The following TMEM19 variants were observed in gnomAD, a reference collection of about 807,000 sequenced individuals.
TMEM19 encodes the protein transmembrane protein 19.
A neutral mutation model predicts 33.6 loss-of-function variants in TMEM19; 21 were observed. The observed-to-expected ratio is 0.62, with a 90% CI of 0.44 to 0.90. TMEM19 has a LOEUF of 0.90. Ranked by LOEUF, TMEM19 falls within the 40% of genes least tolerant of loss-of-function variation. The probability of loss-of-function intolerance (pLI) is 0.00; values close to 1 mark genes in which losing one functional copy is unlikely to be tolerated. For missense variants in TMEM19, 402 were observed against 401.8 expected, an observed-to-expected ratio of 1.00 and a Z score of 0.00; for synonymous variants, 149 against 147.5, an observed-to-expected ratio of 1.01 and a Z score of -0.07.
intron 5 of TMEM19, chr12:71,699,376 A>G (rs952690491): frequency 1.1e-5 from 6 of 559,514 alleles, no homozygotes; most frequent in Admixed American, 6.7e-5. Context: ...TGTGTGAGCC[A>G]TTACCTAATC....
rs58258956 is a variant in TMEM19, at chr12:71,703,881, CTTT to C, written c.*2899_*2901del. On this transcript the variant is annotated 3_prime_UTR_variant, in exon 6 of 6. Coordinates refer to ENST00000266673, the MANE Select transcript of TMEM19 (RefSeq NM_018279.4). ...GAGGATAAGAAATTGTGTCTCTGTC[CTTT>C]TTTTTTTTTTTTGTTAAGTCTTACA... 160 of 204,864 alleles carry C rather than the reference CTTT, an allele frequency of 7.8e-4. No homozygotes were observed. The highest frequency in any genetic ancestry group is 4.0e-3 in the Middle Eastern group (2 of 502). 12.7% of individuals were successfully genotyped at this position (204,864 alleles called of 1,614,324 possible). A position where few individuals can be genotyped will look rare whatever the true frequency, so the allele number is the denominator to read the frequency against.
intron 2 of TMEM19, among the ~76,000 whole-genome samples, chr12:71,691,495 G>T (rs11178890): frequency 6.7e-6 from 1 of 149,976 alleles, no homozygotes; most frequent in African/African-American, 2.4e-5. Flanking sequence ...TGGGCTGGTC[G>T]CAGTGGCTCA....
rs1391057049 is a variant in TMEM19 at position 71,704,395 on chromosome 12, A to G, written c.*3400A>G. The G allele has an allele frequency of 6.4e-6, 1 of 155,252 alleles. No homozygotes were observed. The highest frequency in any genetic ancestry group is 1.4e-5 in the Non-Finnish European group (1 of 69,850). The allele number at this position is 155,252 out of a possible 1,614,324, so 9.6% of individuals were successfully genotyped here. A position where few individuals can be genotyped will look rare whatever the true frequency, so the allele number is the denominator to read the frequency against. Reference sequence around the variant, plus strand: ...TTTTAAACTTTGCCGCATACCTGTGATATGAACAGCTGCTGCCTGTTAGGC... The same window carrying G: ...TTTTAAACTTTGCCGCATACCTGTGGTATGAACAGCTGCTGCCTGTTAGGC... On this transcript the variant is annotated 3_prime_UTR_variant, in exon 6 of 6. Coordinates refer to ENST00000266673, the MANE Select transcript of TMEM19 (RefSeq NM_018279.4).
Position 71,702,362 on chromosome 12 carries a change from C to G in TMEM19, c.*1367C>G, listed in dbSNP as rs1881993250. ...TTTGAGACAGAGTCTCACACTGTGG[C>G]CCAGGCTGGACTCCAGCACAGTGGC... On this transcript the variant is annotated 3_prime_UTR_variant, in exon 6 of 6. Transcript: ENST00000266673. 6.6e-6 allele frequency: 1 copy of G among 151,864 alleles called. No individual in the cohort carries two copies. Among genetic ancestry groups the G allele is most frequent in the Non-Finnish European group, 1.5e-5 (1 of 68,002 alleles). The allele number at this position is 151,864 out of a possible 1,614,324, so 9.4% of individuals were successfully genotyped here.
chr12:71,695,536 A>G (rs1319467267), intron 2 of TMEM19, among the ~76,000 whole-genome samples: 2 of 152,222 alleles, frequency 1.3e-5, no homozygotes, highest in Non-Finnish European at 2.9e-5. Flanking sequence ...AAAAAACTTA[A>G]AGGTTGGATA....
rs754435753 is a variant in TMEM19, at chr12:71,689,630, CTGT to C, written c.178_180del (p.Val60del). The stretch of plus-strand genomic sequence containing the variant: ...ATTTCTCCGTGGCGTTGGCTGTTTT[CTGT>C]TGTTGTTCCTGTTCTGATCGTCTCT... On this transcript the variant is annotated inframe_deletion, in exon 2 of 6. Transcript: ENST00000266673. The C allele has an allele frequency of 2.8e-5, 45 of 1,613,950 alleles. No homozygotes were observed. The South Asian group carries it at 4.5e-4, about 16-fold the overall frequency.
chr12:71,691,133 T>A (rs1881778298), intron 2 of TMEM19, among the ~76,000 whole-genome samples: 1 of 152,198 alleles, frequency 6.6e-6, no homozygotes, highest in Non-Finnish European at 1.5e-5. Flanking sequence ...ATTCAGTGCT[T>A]GTAACTATTA....
intron 2 of TMEM19, among the ~76,000 whole-genome samples, chr12:71,695,616 C>T (rs1881857414): frequency 6.6e-6 from 1 of 152,118 alleles, no homozygotes; most frequent in African/African-American, 2.4e-5. Context: ...TTATTAGTAT[C>T]CATGATATTA....
intron 4 of TMEM19, among the ~76,000 whole-genome samples, chr12:71,698,056 T>C (rs886256002): frequency 6.6e-6 from 1 of 152,224 alleles, no homozygotes; most frequent in Non-Finnish European, 1.5e-5. Flanking sequence ...GTTAAGTCTA[T>C]ATAATGCAAA....
intron 2 of TMEM19, among the ~76,000 whole-genome samples, chr12:71,693,794 A>G (rs1881826088): frequency 6.6e-6 from 1 of 152,134 alleles, no homozygotes; most frequent in African/African-American, 2.4e-5. Context: ...GTGATAGTGA[A>G]TAAGTCTCAC....
At position 71,700,910 on chromosome 12, in the gene TMEM19, A is replaced by T. The variant is rs138000835; in HGVS notation, c.926A>T (p.Asp309Val). 678 of 1,613,906 alleles carry T rather than the reference A, an allele frequency of 4.2e-4. No individual in the cohort carries two copies. The highest frequency in any genetic ancestry group is 5.2e-4 in the Non-Finnish European group (612 of 1,179,900). ...ARHIAGKPIL[D>V]NNAVNLFSSV... is the part of the protein sequence containing the mutation. ...CACATAGCAGGGAAACCCATTCTTG[A>T]TAACAACGCAGTGAATCTGTTTTCT... The change falls in exon 6 of 6, where the codon GAT becomes GTT. Residue 309 changes from aspartate (D) to valine (V), a missense_variant. Coordinates refer to ENST00000266673, the MANE Select transcript of TMEM19 (RefSeq NM_018279.4).
rs749159618 is a variant in TMEM19, at chr12:71,700,914, C to T, written c.930C>T (p.Asn310=). The T allele has an allele frequency of 5.5e-5, 88 of 1,613,588 alleles. No individual in the cohort carries two copies. The highest frequency in any genetic ancestry group is 2.2e-5 in the East Asian group (1 of 44,862). ...RHIAGKPILD[N]NAVNLFSSVL... is the part of the protein sequence containing the mutation. Reference sequence around the variant, plus strand: ...TAGCAGGGAAACCCATTCTTGATAACAACGCAGTGAATCTGTTTTCTTCTG... The same window carrying T: ...TAGCAGGGAAACCCATTCTTGATAATAACGCAGTGAATCTGTTTTCTTCTG... The change falls in exon 6 of 6, where the codon AAC becomes AAT. Residue 310 remains asparagine, a synonymous_variant. Coordinates refer to ENST00000266673, the MANE Select transcript of TMEM19 (RefSeq NM_018279.4).
chr12:71,697,576 G>T, intron 4 of TMEM19, 42 bp downstream of exon 4: 1 of 1,534,344 alleles, frequency 6.5e-7, no homozygotes, highest in Non-Finnish European at 8.7e-7. Flanking sequence ...AGACACAGTT[G>T]GTGAGTCTTG....
In TMEM19 at chr12:71,702,010, G is replaced by T. The variant is rs1881986780; in HGVS notation, c.*1015G>T. On this transcript the variant is annotated 3_prime_UTR_variant, in exon 6 of 6. Transcript: ENST00000266673. Reference sequence around the variant, plus strand: ...TGTGTGCCAAAGGAGTTTTGACAGGGTACAGAGTATTTTACTAAAAGTATT... The same window carrying T: ...TGTGTGCCAAAGGAGTTTTGACAGGTTACAGAGTATTTTACTAAAAGTATT... 1 of 152,204 alleles carries T rather than the reference G, an allele frequency of 6.6e-6. No homozygotes were observed. Among genetic ancestry groups the T allele is most frequent in the African/African-American group, 2.4e-5 (1 of 41,454 alleles). The allele number at this position is 152,204 out of a possible 1,614,324, so 9.4% of individuals were successfully genotyped here.
In TMEM19 at chr12:71,686,479, A is replaced by G. The variant is rs1422955116; in HGVS notation, c.-202A>G. On this transcript the variant is annotated 5_prime_UTR_variant, in exon 1 of 6. Transcript: ENST00000266673. ...CTGCTTTTGCGGTGAGGCGTTGACC[A>G]CGCCCATATGAATTGGAGCTCTCCG... is the stretch of plus-strand genomic sequence containing the variant. 2.0e-6 allele frequency: 1 copy of G among 490,166 alleles called. No individual in the cohort carries two copies. The highest frequency in any genetic ancestry group is 3.5e-6 in the Non-Finnish European group (1 of 289,010). The allele number at this position is 490,166 out of a possible 1,614,324, so 30.4% of individuals were successfully genotyped here.
chr12:71,688,880 T>C (rs1463428191), intron 1 of TMEM19, among the ~76,000 whole-genome samples: 1 of 152,206 alleles, frequency 6.6e-6, no homozygotes, highest in Non-Finnish European at 1.5e-5. Flanking sequence ...TTGAATGAGG[T>C]GTCTGTCCTC....
intron 2 of TMEM19, among the ~76,000 whole-genome samples, chr12:71,693,513 G>A (rs1199435820): frequency 6.6e-6 from 1 of 152,158 alleles, no homozygotes; most frequent in African/African-American, 2.4e-5. Flanking sequence ...TCTATAAAAT[G>A]TGAAGGAATA....
rs1200797120 is a variant in TMEM19 at position 71,686,464 on chromosome 12, G to C, written c.-217G>C. On this transcript the variant is annotated 5_prime_UTR_variant, in exon 1 of 6. Coordinates refer to ENST00000266673, the MANE Select transcript of TMEM19 (RefSeq NM_018279.4). ...CCGCCGGGTTGCGCTCTGCTTTTGCGGTGAGGCGTTGACCACGCCCATATG... is the reference window on the plus strand; with the variant it reads ...CCGCCGGGTTGCGCTCTGCTTTTGCCGTGAGGCGTTGACCACGCCCATATG... 9.3e-6 allele frequency: 4 copies of C among 430,376 alleles called. No homozygotes were observed. Among genetic ancestry groups the C allele is most frequent in the Non-Finnish European group, 1.2e-5 (3 of 248,998 alleles). 26.7% of individuals were successfully genotyped at this position (430,376 alleles called of 1,614,324 possible).
chr12:71,694,335 G>A (rs560163457), intron 2 of TMEM19, among the ~76,000 whole-genome samples: 1 of 152,290 alleles, frequency 6.6e-6, no homozygotes, highest in Non-Finnish European at 1.5e-5. Flanking sequence ...AAGGCCACTG[G>A]TGGTGCTCTG....
Sources: gnomAD v4.1 joint callset for allele counts (sites outside exome capture counted in the v4.1 genomes callset) on GRCh38, gnomAD v4.1.1 for gene constraint, MANE v1.5 for transcripts, NCBI Gene and HGNC (gene_info 2026-07-23, HGNC 2026-07-21) for gene names.